HACD4: variants seen among roughly 807,000 people sequenced by gnomAD.
The protein encoded by HACD4 is 3-hydroxyacyl-CoA dehydratase 4.
Under a neutral mutation model 33.3 loss-of-function variants are expected in HACD4, and 35 were observed. That is an observed-to-expected ratio of 1.05 (90% confidence interval 0.80 to 1.39). The LOEUF is 1.39. Among genes scored for constraint, HACD4 ranks in the 40% most tolerant of loss-of-function variants. The pLI is 0.00. For synonymous variants in HACD4, 118 were observed against 98.0 expected, an observed-to-expected ratio of 1.20 and a Z score of -1.21; for missense variants, 323 against 276.5, an observed-to-expected ratio of 1.17 and a Z score of -1.19.
chr9:21,020,895 C>T (rs1450695461), intron 3 of HACD4, among the ~76,000 whole-genome samples: 1 of 152,018 alleles, frequency 6.6e-6, no homozygotes, highest in Non-Finnish European at 1.5e-5. Flanking sequence ...TGGGTTTTTT[C>T]CTTTCCTTTC....
Position 21,012,040 on chromosome 9 carries a change from C to T in HACD4, c.384-345G>A, listed in dbSNP as rs1000959689. On this transcript the variant is annotated intron_variant, in intron 4 of 6. Coordinates refer to ENST00000495827, the MANE Select transcript of HACD4 (RefSeq NM_001010915.5). Reference sequence around the variant, plus strand: ...AGCAAGCAGCTAGGTTTTTTAATGACAGACATACTTGTAAATATCTCAGGA... The same window carrying T: ...AGCAAGCAGCTAGGTTTTTTAATGATAGACATACTTGTAAATATCTCAGGA... Among the ~76,000 whole-genome samples the T allele has an allele frequency of 7.9e-5, 12 of 152,154 alleles. No homozygotes were observed. In the East Asian group the frequency reaches 1.9e-3, roughly 24 times the overall value.
In HACD4 at chr9:21,000,292, A is replaced by G. The variant is rs1288533884; in HGVS notation, c.*6745T>C. 1 of 152,198 alleles carries G rather than the reference A, an allele frequency of 6.6e-6. No individual in the cohort carries two copies. The highest frequency in any genetic ancestry group is 1.5e-5 in the Non-Finnish European group (1 of 68,018). 9.4% of individuals were successfully genotyped at this position (152,198 alleles called of 1,614,324 possible). On this transcript the variant is annotated 3_prime_UTR_variant, in exon 7 of 7. Transcript: ENST00000495827. ...TGTTAAAAACATGTTCAGAACTACT[A>G]TTTAAGGATTTTTAAAGCCATAAAA...
At position 21,029,331 on chromosome 9, in the gene HACD4, T is replaced by C. The variant is rs2298260; in HGVS notation, c.106A>G (p.Thr36Ala). The change falls in exon 2 of 7, where the codon ACA becomes GCA. Residue 36 changes from threonine (T) to alanine (A), a missense_variant. By Grantham distance (58) the Thr-to-Ala change is moderately conservative (BLOSUM62 0). Transcript: ENST00000495827. ...GAAAAGAATCTGACTGTCATATTTG[T>C]AAATATCCAAGAGTGGCCACAGAAC... ...IQFCGHSWIF[T>A]NMTVRFFSFG... The C allele has an allele frequency of 0.3, 477,155 of 1,590,456 alleles. 74,541 individuals carry two copies. The highest frequency in any genetic ancestry group is 0.52 in the East Asian group (23,348 of 44,618).
In HACD4 at chr9:21,008,152, A is replaced by G; in HGVS notation, c.491-6T>C. The G allele has an allele frequency of 6.2e-7, 1 of 1,603,780 alleles. No homozygotes were observed. The highest frequency in any genetic ancestry group is 8.5e-7 in the Non-Finnish European group (1 of 1,175,790). On this transcript the variant is annotated splice_region_variant and splice_polypyrimidine_tract_variant and intron_variant, in intron 5 of 6. Coordinates refer to ENST00000495827, the MANE Select transcript of HACD4 (RefSeq NM_001010915.5). ...CGATTGATAGATGGCAAATGCTGTT[A>G]AAAAAGAAAGGCATCATAAAGGTAT...
chr9:21,011,602 A>G lies in HACD4; in HGVS notation c.477T>C (p.Cys159=). Residue 159 remains cysteine, a synonymous_variant, in exon 5 of 7, where the codon TGT becomes TGC. Transcript: ENST00000495827. ...CTCTTTTCTTACCTTCAGCAAGAAC[A>G]CACAAAGGATAAATTGGCATCCATA... ...QTLWMPIYPL[C]VLAEAFAIYQ... is the part of the protein sequence containing the mutation. 3.7e-6 allele frequency: 6 copies of G among 1,603,198 alleles called. No individual in the cohort carries two copies. Among genetic ancestry groups the G allele is most frequent in the Middle Eastern group, 1.7e-4 (1 of 6,050 alleles).
intron 1 of HACD4, among the ~76,000 whole-genome samples, chr9:21,031,212 TA>T (rs1818207638): frequency 1.3e-5 from 2 of 152,038 alleles, no homozygotes. Context: ...CTGTTACATC[TA>T]AAAATCACCC....
rs376646147 is a variant in HACD4 at position 21,007,096 on chromosome 9, G to A, written c.640C>T (p.Leu214=). The A allele has an allele frequency of 6.4e-7, 1 of 1,572,794 alleles. No individual in the cohort carries two copies. Among genetic ancestry groups the A allele is most frequent in the Non-Finnish European group, 8.8e-7 (1 of 1,142,690 alleles). The part of the protein sequence containing the change: ...FIGMYFTYSH[L]YSERRDILGI... Reference sequence around the variant, plus strand: ...AGGATGTCTCTTCTTTCTGAGTATAGATGACTGTAGGTAAAATACATACCT... The same window carrying A: ...AGGATGTCTCTTCTTTCTGAGTATAAATGACTGTAGGTAAAATACATACCT... Residue 214 remains leucine (L), a synonymous_variant, in exon 7 of 7, where the codon CTA becomes TTA. Transcript: ENST00000495827.
At chr9:21,030,260 G>A (rs1411999448) in intron 1 of HACD4, among the ~76,000 whole-genome samples, 2 of 133,860 alleles carry the variant, frequency 1.5e-5, no homozygotes, top group African/African-American at 2.7e-5. Context: ...TGGCCAACAT[G>A]GCAACTTACA....
Position 21,006,873 on chromosome 9 carries a change from A to G in HACD4, c.*164T>C. ...GTCTTAAAAATACAATGTGTGAAAA[A>G]CATAGCCTGTTATGTCTAGAGTTTT... On this transcript the variant is annotated 3_prime_UTR_variant, in exon 7 of 7. Transcript: ENST00000495827. This position sits in a 1 kb window ranked among gnomAD's most constrained non-coding sequence, Gnocchi z 4.6. The G allele has an allele frequency of 1.6e-6, 1 of 635,282 alleles. No homozygotes were observed. The highest frequency in any genetic ancestry group is 2.8e-5 in the East Asian group (1 of 35,350). The allele number at this position is 635,282 out of a possible 1,614,324, so 39.4% of individuals were successfully genotyped here.
chr9:21,010,398 G>A (rs1323382513), intron 5 of HACD4, among the ~76,000 whole-genome samples: 1 of 144,640 alleles, frequency 6.9e-6, no homozygotes, highest in Non-Finnish European at 1.5e-5. Flanking sequence ...CATTGAGCAT[G>A]TATACTGGTG....
chr9:21,029,480 G>T, intron 1 of HACD4, 82 bp from the exon 2 acceptor site: 2 of 790,900 alleles, frequency 2.5e-6, no homozygotes, highest in Non-Finnish European at 4.0e-6. Flanking sequence ...TAATGTACTG[G>T]CCAACCTGAG....
chr9:21,011,746 A>G (rs776066876), intron 4 of HACD4, 51 bp from the exon 5 acceptor site: 5 of 916,482 alleles, frequency 5.5e-6, no homozygotes, highest in African/African-American at 1.7e-5. Flanking sequence ...AATATCTGGG[A>G]AATAGGAGAA....
rs1818132235 is a variant in HACD4 at position 21,028,867 on chromosome 9, A to G, written c.142+428T>C. 2.0e-5 allele frequency among the ~76,000 whole-genome samples: 3 copies of G among 152,178 alleles called. No homozygotes were observed. The South Asian group carries it at 6.2e-4, about 32-fold the overall frequency. On this transcript the variant is annotated intron_variant, in intron 2 of 6. Coordinates refer to ENST00000495827, the MANE Select transcript of HACD4 (RefSeq NM_001010915.5). Reference sequence around the variant, plus strand: ...CAAATAGAGGCTTGGGGAATATAAAATTTGTATTTCACTTACTAGTAGTCT... The same window carrying G: ...CAAATAGAGGCTTGGGGAATATAAAGTTTGTATTTCACTTACTAGTAGTCT...
At chr9:21,022,164 A>T (rs1243553459) in intron 3 of HACD4, among the ~76,000 whole-genome samples, 1 of 152,216 alleles carries the variant, frequency 6.6e-6, no homozygotes, top group Non-Finnish European at 1.5e-5. Context: ...TGCTAGGAAA[A>T]CTGGCTAGCC....
At chr9:21,011,523 T>C (rs780778953) in intron 5 of HACD4, 66 bp downstream of exon 5, 2 of 942,292 alleles carry the variant, frequency 2.1e-6, no homozygotes, top group Non-Finnish European at 3.4e-6. Context: ...ATCAAAAAAT[T>C]TAGTGAACCA....
At position 21,020,989 on chromosome 9, in the gene HACD4, G is replaced by A. The variant is rs117413351; in HGVS notation, c.271-4979C>T. 3.7e-3 allele frequency among the ~76,000 whole-genome samples: 557 copies of A among 152,112 alleles called. 4 individuals are homozygous for A. Among genetic ancestry groups the A allele is most frequent in the Non-Finnish European group, 5.6e-3 (383 of 68,000 alleles). On this transcript the variant is annotated intron_variant, in intron 3 of 6. Transcript: ENST00000495827. ...ATGTAAAACATTTAAAAATGCACAG[G>A]GCAAACCGAGTCCAGCAGCACATCA...
chr9:21,022,172 G>C (rs997494284), intron 3 of HACD4, among the ~76,000 whole-genome samples: 1 of 152,170 alleles, frequency 6.6e-6, no homozygotes, highest in Non-Finnish European at 1.5e-5. Context: ...AAACTGGCTA[G>C]CCATATGTAG....
Position 21,008,133 on chromosome 9 carries a change from A to G in HACD4, c.504T>C (p.Tyr168=), listed in dbSNP as rs754359225. Reference sequence around the variant, plus strand: ...ATGATTCAAAATAAGGCAGCGATTGATAGATGGCAAATGCTGTTAAAAAAG... The same window carrying G: ...ATGATTCAAAATAAGGCAGCGATTGGTAGATGGCAAATGCTGTTAAAAAAG... ...LCVLAEAFAI[Y]QSLPYFESFG... The change falls in exon 6 of 7, where the codon TAT becomes TAC. Residue 168 remains tyrosine, a synonymous_variant. Transcript: ENST00000495827. 1.2e-6 allele frequency: 2 copies of G among 1,606,202 alleles called. No homozygotes were observed. Among genetic ancestry groups the G allele is most frequent in the Non-Finnish European group, 1.7e-6 (2 of 1,176,904 alleles).
intron 2 of HACD4, among the ~76,000 whole-genome samples, chr9:21,027,541 TATC>T (rs1818093854): frequency 6.6e-6 from 1 of 152,182 alleles, no homozygotes; most frequent in African/African-American, 2.4e-5. Context: ...TGGACACTAT[TATC>T]ATCATCCCCA....
Sources: allele counts gnomAD v4.1 joint callset (sites outside exome capture counted in the v4.1 genomes callset), GRCh38; gene constraint gnomAD v4.1.1; non-coding constraint Gnocchi (gnomAD v3.1); transcripts MANE v1.5; gene names NCBI Gene and HGNC (gene_info 2026-07-23, HGNC 2026-07-21).